Variants in SLC26A5 observed in about 807,000 individuals in gnomAD.
SLC26A5 encodes the protein solute carrier family 26 member 5, also known as prestin.
Under a neutral mutation model 81.0 loss-of-function variants are expected in SLC26A5, and 51 were observed. That is an observed-to-expected ratio of 0.63 (90% CI 0.50 to 0.80). SLC26A5 has a LOEUF of 0.80. SLC26A5 is among the 30% of genes least tolerant of loss of function. The pLI is 0.00. For synonymous variants in SLC26A5, 325 were observed against 332.8 expected (o/e 0.98, Z 0.25); for missense variants, 771 against 905.8 (o/e 0.85, Z 1.91).
At chr7:103,379,577 T>G (rs1821626268) in intron 15 of SLC26A5, among the ~76,000 whole-genome samples, 1 of 152,202 alleles carries the variant, frequency 6.6e-6, no homozygotes, top group Admixed American at 6.5e-5. Context: ...CTTTTTAACA[T>G]GCACATCTTT....
chr7:103,362,173 T>C, intron 19 of SLC26A5: 1 of 1,573,876 alleles, frequency 6.4e-7, no homozygotes, highest in East Asian at 2.3e-5. Flanking sequence ...AGTGAATAAA[T>C]GGACTGAGTT....
At chr7:103,397,043 C>A (rs1008553545) in intron 9 of SLC26A5, among the ~76,000 whole-genome samples, 1 of 150,232 alleles carries the variant, frequency 6.7e-6, no homozygotes, top group African/African-American at 2.5e-5. Flanking sequence ...TGCAGTGAGC[C>A]GAGATTGTGC....
At chr7:103,366,740 A>G (rs890054569) in intron 19 of SLC26A5, among the ~76,000 whole-genome samples, 1 of 152,334 alleles carries the variant, frequency 6.6e-6, no homozygotes, top group African/African-American at 2.4e-5. Flanking sequence ...TTCTTAGTGC[A>G]CATAAAATAA....
chr7:103,433,846 G>A (rs1348833964), intron 2 of SLC26A5, among the ~76,000 whole-genome samples: 1 of 151,640 alleles, frequency 6.6e-6, no homozygotes, highest in East Asian at 1.9e-4. Context: ...GGGACTACAG[G>A]TGCCCGCCAC....
chr7:103,366,183 G>C (rs1490090421), intron 19 of SLC26A5: 1 of 1,578,800 alleles, frequency 6.3e-7, no homozygotes, highest in African/African-American at 1.4e-5. Context: ...ATACGTTAGA[G>C]AACTGCTTTA....
intron 9 of SLC26A5, among the ~76,000 whole-genome samples, chr7:103,394,309 G>T (rs1219709494): frequency 6.6e-6 from 1 of 152,138 alleles, no homozygotes; most frequent in African/African-American, 2.4e-5. Context: ...ATCCCAATTT[G>T]TAGGTGAAAA....
chr7:103,397,243 C>T (rs1304872496), intron 9 of SLC26A5, among the ~76,000 whole-genome samples: 1 of 151,424 alleles, frequency 6.6e-6, no homozygotes. Context: ...CCTGTCTCTA[C>T]TAAAAATATA....
At chr7:103,417,375 AAAAAAAAAAAG>A (rs1241265597) in intron 4 of SLC26A5, among the ~76,000 whole-genome samples, 1 of 151,534 alleles carries the variant, frequency 6.6e-6, no homozygotes, top group Non-Finnish European at 1.5e-5. Flanking sequence ...TCTCAAAAAA[AAAAAAAAAAAG>A]AAAAAAAAAT....
In SLC26A5 at chr7:103,367,988, T is replaced by C. The variant is rs373941772; in HGVS notation, c.2041+8820A>G. ...CTACCGAGAAGGATTTCTTGGAAGC[T>C]GTAAATAAGGTCATTAAGTCTTATG... On this transcript the variant is annotated intron_variant, in intron 19 of 19. Transcript: ENST00000339444. This position sits in a 1 kb window ranked among gnomAD's most constrained non-coding sequence, Gnocchi z 6.1. The C allele has an allele frequency of 2.5e-6, 4 of 1,614,060 alleles. No individual in the cohort carries two copies. Among genetic ancestry groups the C allele is most frequent in the Middle Eastern group, 1.6e-4 (1 of 6,062 alleles).
intron 8 of SLC26A5, among the ~76,000 whole-genome samples, chr7:103,406,388 T>C (rs1405526326): frequency 2.0e-5 from 3 of 152,188 alleles, no homozygotes; most frequent in Non-Finnish European, 4.4e-5. Context: ...CAGAATGCAC[T>C]GTTCCTCACA....
At chr7:103,435,473 G>A (rs112384893) in intron 2 of SLC26A5, among the ~76,000 whole-genome samples, 24 of 152,156 alleles carry the variant, frequency 1.6e-4, no homozygotes, top group African/African-American at 5.8e-4. Context: ...TTCCCTGAAC[G>A]AAATGAACAT....
Position 103,374,733 on chromosome 7 carries a change from T to C in SLC26A5, c.2042-141A>G, listed in dbSNP as rs531168976. 201 of 797,100 alleles carry C rather than the reference T, an allele frequency of 2.5e-4. 3 individuals carry two copies. The South Asian group carries it at 2.9e-3, about 12-fold the overall frequency. The allele number at this position is 797,100 out of a possible 1,614,324, so 49.4% of individuals were successfully genotyped here. On this transcript the variant is annotated intron_variant, in intron 19 of 19. Transcript: ENST00000306312. ...TTTTTTTTTTGAGACAGAGTCTCAC[T>C]CTGTCACCCAGGCTGGAGAGTAGTG...
intron 2 of SLC26A5, among the ~76,000 whole-genome samples, chr7:103,438,738 A>G (rs921709655): frequency 3.9e-5 from 6 of 152,202 alleles, no homozygotes; most frequent in African/African-American, 1.2e-4. Context: ...ACTACTAGAA[A>G]TAGAATCTTT....
downstream of SLC26A5, among the ~76,000 whole-genome samples, chr7:103,371,108 A>G (rs1821006233): frequency 6.6e-6 from 1 of 152,234 alleles, no homozygotes; most frequent in Non-Finnish European, 1.5e-5. Context: ...GTATGAAATA[A>G]TTGAGTAAAA....
chr7:103,444,757 T>A (rs1827152831), intron 1 of SLC26A5, among the ~76,000 whole-genome samples: 2 of 152,042 alleles, frequency 1.3e-5, no homozygotes, highest in Admixed American at 1.3e-4. Flanking sequence ...TTTCCAAGAG[T>A]GCACTTAAGA....
intron 3 of SLC26A5, 99 bp downstream of exon 3, chr7:103,421,264 T>C (rs1295306165): frequency 7.5e-7 from 1 of 1,341,554 alleles, no homozygotes; most frequent in African/African-American, 1.4e-5. Flanking sequence ...CATTCATTTT[T>C]CTCTCCACTT....
intron 1 of SLC26A5, chr7:103,445,430 T>C (rs1226153024): frequency 2.0e-5 from 3 of 152,288 alleles, no homozygotes; most frequent in African/African-American, 7.2e-5. Context: ...GCCTCTATGA[T>C]GGCAGAGCAC....
rs144836959 is a variant in SLC26A5 at position 103,395,240 on chromosome 7, G to A, written c.972-2174C>T. 2.6e-3 allele frequency among the ~76,000 whole-genome samples: 392 copies of A among 151,670 alleles called. 3 individuals are homozygous for A. The highest frequency in any genetic ancestry group is 9.0e-3 in the African/African-American group (371 of 41,366). On this transcript the variant is annotated intron_variant, in intron 9 of 19. Transcript: ENST00000306312. ...CACAGGGAACTGAAATGGTATGATTGTATGTAGATAGGTAGGTAGGTATTT... is the reference window on the plus strand; with the variant it reads ...CACAGGGAACTGAAATGGTATGATTATATGTAGATAGGTAGGTAGGTATTT...
intron 2 of SLC26A5, among the ~76,000 whole-genome samples, chr7:103,427,862 T>TTC (rs1262854311): frequency 2.6e-5 from 4 of 151,470 alleles, no homozygotes; most frequent in African/African-American, 9.7e-5. Flanking sequence ...TTTTTTTTTT[T>TTC]TTTCTTTTGA....
Sources: gnomAD v4.1 joint callset for allele counts (sites outside exome capture counted in the v4.1 genomes callset) on GRCh38, gnomAD v4.1.1 for gene constraint, Gnocchi (gnomAD v3.1) non-coding constraint, MANE v1.5 for transcripts, NCBI Gene and HGNC (gene_info 2026-07-23, HGNC 2026-07-21) for gene names.